The following PCDHGB1 variants were observed in gnomAD, a reference collection of about 807,000 sequenced individuals.
The protein encoded by PCDHGB1 is protocadherin gamma subfamily B, 1, also known as protocadherin gamma-B1.
PCDHGB1 carries 34 observed loss-of-function variants against 56.6 expected under a neutral mutation model. The observed-to-expected ratio is 0.60, with a 90% CI of 0.46 to 0.80. The LOEUF (loss-of-function observed/expected upper bound fraction) is 0.80. Ranked by LOEUF, PCDHGB1 falls within the 30% of genes least tolerant of loss-of-function variation. The pLI, the probability that PCDHGB1 is intolerant of heterozygous loss-of-function variation, is 0.00. For missense variants in PCDHGB1, 1,278 were observed against 1,204.6 expected (o/e 1.06, Z -0.90); for synonymous variants, 561 against 505.9 (o/e 1.11, Z -1.46).
intron 1 of PCDHGB1, chr5:141,410,718 TA>T: frequency 7.1e-7 from 1 of 1,402,688 alleles, no homozygotes; most frequent in Non-Finnish European, 9.6e-7. Context: ...ATCATATGTT[TA>T]AAATCCATAG....
chr5:141,357,552 T>C (rs761940200), intron 1 of PCDHGB1: 4 of 1,613,800 alleles, frequency 2.5e-6, no homozygotes, highest in South Asian at 2.2e-5. Context: ...GCCGGGAGAG[T>C]TGTGAGAAAA....
chr5:141,355,302 G>A, intron 1 of PCDHGB1: 7 of 1,613,916 alleles, frequency 4.3e-6, no homozygotes, highest in Non-Finnish European at 5.9e-6. Flanking sequence ...TTCTCTACTC[G>A]GTGTTTGAGG....
At chr5:141,417,628 A>T (rs2096139720) in intron 1 of PCDHGB1, 1 of 692,650 alleles carries the variant, frequency 1.4e-6, no homozygotes, top group Non-Finnish European at 2.3e-6. Context: ...GCAAGCGCTG[A>T]CGCCGGGGAT....
chr5:141,429,204 A>ACACACACG, intron 1 of PCDHGB1: 1 of 150,162 alleles, frequency 6.7e-6, no homozygotes, highest in Non-Finnish European at 1.5e-5. Context: ...ACACACACAC[A>ACACACACG]CGTGTGAAAA....
chr5:141,389,553 G>A, intron 1 of PCDHGB1: 1 of 1,613,234 alleles, frequency 6.2e-7, no homozygotes, highest in South Asian at 1.1e-5. Context: ...CAACGACAAT[G>A]CGCCACGGGT....
chr5:141,486,162 T>G lies in PCDHGB1; in HGVS notation c.2410-8645T>G, dbSNP rs763023343. ...GCTCGCGATGGGGGTTCTCCAGCCA[T>G]GGAGCAACATTGCAGCCTTCGAGTG... On this transcript the variant is annotated intron_variant, in intron 1 of 3. Coordinates refer to ENST00000523390, the MANE Select transcript of PCDHGB1 (RefSeq NM_018922.3). The surrounding 1 kb of genome is among the most constrained non-coding windows in gnomAD (Gnocchi z 5.0). The G allele has an allele frequency of 6.2e-7, 1 of 1,614,170 alleles. No individual in the cohort carries two copies. Among genetic ancestry groups the G allele is most frequent in the Non-Finnish European group, 8.5e-7 (1 of 1,180,026 alleles).
At position 141,510,984 on chromosome 5, in the gene PCDHGB1, C is replaced by A. The variant is rs375865663; in HGVS notation, c.2595C>A (p.Ala865=). 6.2e-7 allele frequency: 1 copy of A among 1,614,162 alleles called. No individual in the cohort carries two copies. The highest frequency in any genetic ancestry group is 8.5e-7 in the Non-Finnish European group (1 of 1,180,012). The part of the protein sequence containing the change: ...ADGSSTLGGG[A]GTMGLSARYG... The stretch of plus-strand genomic sequence containing the variant: ...GGAGCTCCACCCTGGGAGGGGGTGC[C>A]GGCACCATGGGATTGAGCGCCCGCT... Residue 865 remains alanine, a synonymous_variant, in exon 4 of 4, where the codon GCC becomes GCA. Coordinates refer to ENST00000523390, the MANE Select transcript of PCDHGB1 (RefSeq NM_018922.3).
intron 1 of PCDHGB1, chr5:141,383,918 T>A (rs1779590334): frequency 3.7e-6 from 6 of 1,613,948 alleles, no homozygotes; most frequent in Non-Finnish European, 5.1e-6. Flanking sequence ...GTTTTAGATG[T>A]AAATGATAAT....
chr5:141,383,635 C>G (rs1226106296), intron 1 of PCDHGB1: 6 of 1,613,966 alleles, frequency 3.7e-6, no homozygotes, highest in Non-Finnish European at 5.1e-6. Context: ...CTCTCTGCCT[C>G]AGTACCAAGT....
chr5:141,366,847 A>G, intron 1 of PCDHGB1: 1 of 1,478,860 alleles, frequency 6.8e-7, no homozygotes. Context: ...TTATGTAAAT[A>G]GTGGAACATT....
chr5:141,409,238 G>A (rs2095245468), intron 1 of PCDHGB1: 1 of 1,614,002 alleles, frequency 6.2e-7, no homozygotes, highest in Non-Finnish European at 8.5e-7. Flanking sequence ...CAACAGCCCA[G>A]AAATAATCAT....
Position 141,457,874 on chromosome 5 carries a change from G to A in PCDHGB1, c.2410-36933G>A, listed in dbSNP as rs1592531610. Among the ~76,000 whole-genome samples, 7 of 152,320 alleles carry A rather than the reference G, an allele frequency of 4.6e-5. No homozygotes were observed. In the South Asian group the frequency reaches 1.5e-3, roughly 32 times the overall value. On this transcript the variant is annotated intron_variant, in intron 1 of 3. Transcript: ENST00000523390. ...ACATTCTTCACTGACCACAGGTTAGGAACCCTGTGTGGGGACTGTGTAGAC... is the reference window on the plus strand; with the variant it reads ...ACATTCTTCACTGACCACAGGTTAGAAACCCTGTGTGGGGACTGTGTAGAC...
intron 1 of PCDHGB1, among the ~76,000 whole-genome samples, chr5:141,492,920 G>A (rs2099745093): frequency 6.6e-6 from 1 of 152,198 alleles, no homozygotes; most frequent in African/African-American, 2.4e-5. Context: ...TGTGCCCAGC[G>A]ATCTAGGGTC....
In PCDHGB1 at chr5:141,489,720, G is replaced by A. The variant is rs560729125; in HGVS notation, c.2410-5087G>A. ...TCCCACTGGACAGTGCCCAGGATCC[G>A]GATGTGGGCACCAATACTGTGAGCT... On this transcript the variant is annotated intron_variant, in intron 1 of 3. Transcript: ENST00000523390. The surrounding 1 kb of genome is among the most constrained non-coding windows in gnomAD (Gnocchi z 4.5). The A allele has an allele frequency of 3.2e-5, 51 of 1,614,200 alleles. No individual in the cohort carries two copies. The highest frequency in any genetic ancestry group is 9.3e-5 in the African/African-American group (7 of 75,048).
At chr5:141,433,257 G>A (rs764036349) in intron 1 of PCDHGB1, 4 of 1,385,412 alleles carry the variant, frequency 2.9e-6, no homozygotes, top group Non-Finnish European at 4.0e-6. Context: ...GCAGCGGTAC[G>A]ATCATAGCTC....
At chr5:141,409,847 C>T (rs2095325421) in intron 1 of PCDHGB1, 3 of 1,611,712 alleles carry the variant, frequency 1.9e-6, no homozygotes, top group East Asian at 2.2e-5. Context: ...CGTGAGCCTG[C>T]GCGTGTTGGT....
Position 141,512,040 on chromosome 5 carries a change from A to G in PCDHGB1, c.*867A>G, listed in dbSNP as rs775766584. 1.3e-5 allele frequency: 2 copies of G among 152,838 alleles called. No homozygotes were observed. The highest frequency in any genetic ancestry group is 2.9e-5 in the Non-Finnish European group (2 of 68,198). 9.5% of individuals were successfully genotyped at this position (152,838 alleles called of 1,614,324 possible). A position where few individuals can be genotyped will look rare whatever the true frequency, so the allele number is the denominator to read the frequency against. ...ATCAAGGCCTTGGAGGAGGCTCTGT[A>G]TGTCCTCAGGGGACTGACAACATCC... On this transcript the variant is annotated 3_prime_UTR_variant, in exon 4 of 4. Coordinates refer to ENST00000523390, the MANE Select transcript of PCDHGB1 (RefSeq NM_018922.3).
At chr5:141,417,700 A>G in intron 1 of PCDHGB1, 1 of 1,180,094 alleles carries the variant, frequency 8.5e-7, no homozygotes, top group Admixed American at 3.0e-5. Flanking sequence ...ACCAGCTCCC[A>G]CACAGAGGCT....
At chr5:141,463,108 T>G (rs1212278355) in intron 1 of PCDHGB1, among the ~76,000 whole-genome samples, 1 of 152,202 alleles carries the variant, frequency 6.6e-6, no homozygotes, top group Non-Finnish European at 1.5e-5. Flanking sequence ...CATCAAGAAT[T>G]CAGCTAATAG....
Sources: allele counts gnomAD v4.1 joint callset (sites outside exome capture counted in the v4.1 genomes callset), GRCh38; gene constraint gnomAD v4.1.1; non-coding constraint Gnocchi (gnomAD v3.1); transcripts MANE v1.5; gene names NCBI Gene and HGNC (gene_info 2026-07-23, HGNC 2026-07-21).